CDH22: variants seen among roughly 807,000 people sequenced by gnomAD.
The protein encoded by CDH22 is cadherin-22.
Under a neutral mutation model 58.4 loss-of-function variants are expected in CDH22, and 30 were observed. The ratio of observed to expected loss-of-function variants is 0.51; its 90% CI spans 0.38 to 0.70. The LOEUF is 0.70. Ranked by LOEUF, CDH22 falls within the 30% of genes least tolerant of loss-of-function variation. CDH22 has a pLI of 0.00. For missense variants in CDH22, 1,014 were observed against 1,233.9 expected (o/e 0.82, Z 2.67); for synonymous variants, 513 against 558.2 (o/e 0.92, Z 1.14).
intron 1 of CDH22, among the ~76,000 whole-genome samples, chr20:46,279,751 G>T (rs2086540093): frequency 6.6e-6 from 1 of 152,198 alleles, no homozygotes. Context: ...ATTTCTAAGA[G>T]AATGGATTCA....
rs569656503 is a variant in CDH22 at position 46,225,359 on chromosome 20, T to A, written c.670+2149A>T. Among the ~76,000 whole-genome samples the A allele has an allele frequency of 3.9e-4, 60 of 152,278 alleles. 1 individual carries two copies. In the South Asian group the frequency reaches 0.012, roughly 31 times the overall value. On this transcript the variant is annotated intron_variant, in intron 4 of 11. Transcript: ENST00000537909. ...GACTGGTGAAATAAATTTTAGTGTATCCATAACACCCATTAAATAAGAGAA... is the reference window on the plus strand; with the variant it reads ...GACTGGTGAAATAAATTTTAGTGTAACCATAACACCCATTAAATAAGAGAA...
chr20:46,199,771 CCTTT>C (rs2085941432), intron 7 of CDH22, among the ~76,000 whole-genome samples: 1 of 152,186 alleles, frequency 6.6e-6, no homozygotes, highest in South Asian at 2.1e-4. Flanking sequence ...CAGCCCTCAA[CCTTT>C]CTGAGCCTCA....
In CDH22 at chr20:46,285,121, T is replaced by A. The variant is rs186490320; in HGVS notation, c.-400+23134A>T. 1.9e-3 allele frequency among the ~76,000 whole-genome samples: 292 copies of A among 152,302 alleles called. 2 individuals are homozygous for A. The highest frequency in any genetic ancestry group is 6.6e-3 in the African/African-American group (275 of 41,560). ...TCATTGGTTCCCATGTTTAGCTGCATTCTGGGAAGCTTGCCTTTGCATGTG... is the reference window on the plus strand; with the variant it reads ...TCATTGGTTCCCATGTTTAGCTGCAATCTGGGAAGCTTGCCTTTGCATGTG... On this transcript the variant is annotated intron_variant, in intron 1 of 11. Transcript: ENST00000537909.
At chr20:46,187,027 A>G in intron 8 of CDH22, 80 bp from the exon 9 acceptor site, 1 of 1,421,870 alleles carries the variant, frequency 7.0e-7, no homozygotes, top group East Asian at 2.4e-5. Context: ...TGAGGACAAT[A>G]GTAGGCAGTG....
intron 10 of CDH22, among the ~76,000 whole-genome samples, chr20:46,178,699 T>G (rs1332397562): frequency 6.6e-6 from 1 of 151,116 alleles, no homozygotes; most frequent in Non-Finnish European, 1.5e-5. Context: ...GTCCTTGGGT[T>G]GTGGTTTGTT....
chr20:46,238,043 G>A (rs1223160620), intron 3 of CDH22, among the ~76,000 whole-genome samples: 1 of 152,082 alleles, frequency 6.6e-6, no homozygotes, highest in Non-Finnish European at 1.5e-5. Flanking sequence ...CTCTTCCCCT[G>A]GCACCTCCCC....
At chr20:46,289,811 T>C (rs2145775539) in intron 1 of CDH22, among the ~76,000 whole-genome samples, 1 of 152,252 alleles carries the variant, frequency 6.6e-6, no homozygotes, top group East Asian at 1.9e-4. Context: ...AAGGAATCTC[T>C]AGAGGCCAGA....
intron 2 of CDH22, among the ~76,000 whole-genome samples, chr20:46,244,040 G>A (rs1186506036): frequency 6.6e-6 from 1 of 152,150 alleles, no homozygotes; most frequent in Non-Finnish European, 1.5e-5. Flanking sequence ...ATCACACCAA[G>A]CCCTACTTGG....
chr20:46,246,975 G>A (rs889952531), intron 2 of CDH22, among the ~76,000 whole-genome samples: 3 of 151,516 alleles, frequency 2.0e-5, no homozygotes, highest in Non-Finnish European at 4.4e-5. Context: ...AGCTGGAAAG[G>A]GGACAGGTGG....
chr20:46,258,797 A>G (rs2086418328), intron 1 of CDH22, among the ~76,000 whole-genome samples: 1 of 152,216 alleles, frequency 6.6e-6, no homozygotes, highest in Non-Finnish European at 1.5e-5. Context: ...GGACACACAC[A>G]GGAGGCAGGC....
intron 7 of CDH22, among the ~76,000 whole-genome samples, chr20:46,200,227 G>T (rs1439018309): frequency 2.0e-5 from 3 of 151,942 alleles, no homozygotes; most frequent in Non-Finnish European, 4.4e-5. Context: ...GCCCGCCTTG[G>T]CCTCCCAAAG....
intron 4 of CDH22, among the ~76,000 whole-genome samples, chr20:46,226,614 C>A (rs1437853539): frequency 6.6e-6 from 1 of 152,206 alleles, no homozygotes; most frequent in African/African-American, 2.4e-5. Context: ...ATTGCTGCTA[C>A]TTCCTCCGAG....
rs949568368 is a variant in CDH22, at chr20:46,216,050, G to A, written c.838+776C>T. ...CTCTCGGGGGTCAGTCCCCTGTGGCGGGGCCTAATGTGAGAGCAGCAGACC... is the reference window on the plus strand; with the variant it reads ...CTCTCGGGGGTCAGTCCCCTGTGGCAGGGCCTAATGTGAGAGCAGCAGACC... On this transcript the variant is annotated intron_variant, in intron 5 of 11. Coordinates refer to ENST00000537909, the MANE Select transcript of CDH22 (RefSeq NM_021248.3). This position sits in a 1 kb window ranked among gnomAD's most constrained non-coding sequence, Gnocchi z 5.3. 3.3e-5 allele frequency among the ~76,000 whole-genome samples: 5 copies of A among 151,470 alleles called. No individual in the cohort carries two copies. Among genetic ancestry groups the A allele is most frequent in the African/African-American group, 4.9e-5 (2 of 41,208 alleles).
At chr20:46,291,849 G>A (rs2086605027) in intron 1 of CDH22, among the ~76,000 whole-genome samples, 1 of 152,234 alleles carries the variant, frequency 6.6e-6, no homozygotes, top group Non-Finnish European at 1.5e-5. Context: ...CATTTTGGCT[G>A]GATAACCCTT....
In CDH22 at chr20:46,251,410, G is replaced by T; in HGVS notation, c.-116C>A. 1 of 1,204,586 alleles carries T rather than the reference G, an allele frequency of 8.3e-7. No individual in the cohort carries two copies. The highest frequency in any genetic ancestry group is 1.1e-6 in the Non-Finnish European group (1 of 936,956). The allele number at this position is 1,204,586 out of a possible 1,614,324, so 74.6% of individuals were successfully genotyped here. On this transcript the variant is annotated 5_prime_UTR_variant, in exon 2 of 12. Coordinates refer to ENST00000537909, the MANE Select transcript of CDH22 (RefSeq NM_021248.3). The surrounding 1 kb of genome is among the most constrained non-coding windows in gnomAD (Gnocchi z 6.7). ...ACATGGTGGCCTCAGCGCGGCCGCC[G>T]GGATGTCGCCCCCGACGGGGCACCC...
intron 1 of CDH22, among the ~76,000 whole-genome samples, chr20:46,267,232 T>C (rs574366090): frequency 2.6e-5 from 4 of 152,076 alleles, no homozygotes; most frequent in Non-Finnish European, 4.4e-5. Context: ...CAGATTCTGA[T>C]GTTGGCCTGA....
chr20:46,287,668 T>A (rs543973588), intron 1 of CDH22, among the ~76,000 whole-genome samples: 5 of 151,630 alleles, frequency 3.3e-5, no homozygotes, highest in Admixed American at 6.6e-5. Flanking sequence ...CAGGATCTCG[T>A]GGGCCTTGTT....
intron 1 of CDH22, among the ~76,000 whole-genome samples, chr20:46,260,186 C>T (rs1159599356): frequency 2.0e-5 from 3 of 152,058 alleles, no homozygotes; most frequent in Admixed American, 6.5e-5. Flanking sequence ...TTAAGGAGGA[C>T]CTTTTTGTTT....
At chr20:46,283,652 A>T (rs1250087030) in intron 1 of CDH22, among the ~76,000 whole-genome samples, 1 of 152,124 alleles carries the variant, frequency 6.6e-6, no homozygotes, top group Non-Finnish European at 1.5e-5. Flanking sequence ...TGTCTGGCTC[A>T]TGCCAGCACC....
Sources: allele counts gnomAD v4.1 joint callset (sites outside exome capture counted in the v4.1 genomes callset), GRCh38; gene constraint gnomAD v4.1.1; non-coding constraint Gnocchi (gnomAD v3.1); transcripts MANE v1.5; gene names NCBI Gene and HGNC (gene_info 2026-07-23, HGNC 2026-07-21).